Variants in SPOCK3 observed in about 807,000 individuals in gnomAD.
The protein encoded by SPOCK3 is SPARC (osteonectin), cwcv and kazal like domains proteoglycan 3.
A neutral mutation model predicts 56.6 loss-of-function variants in SPOCK3; 30 were observed. The ratio of observed to expected loss-of-function variants is 0.53; its 90% CI spans 0.40 to 0.72. The LOEUF (loss-of-function observed/expected upper bound fraction) is 0.72. Ranked by LOEUF, SPOCK3 falls within the 30% of genes least tolerant of loss-of-function variation. The probability of loss-of-function intolerance (pLI) is 0.00; values close to 1 mark genes in which losing one functional copy is unlikely to be tolerated. For synonymous variants in SPOCK3, 196 were observed against 183.3 expected (o/e 1.07, Z -0.56); for missense variants, 527 against 530.0 (o/e 0.99, Z 0.06).
At chr4:167,134,773 C>T (rs909468763) in intron 2 of SPOCK3, among the ~76,000 whole-genome samples, 3 of 152,010 alleles carry the variant, frequency 2.0e-5, no homozygotes, top group Non-Finnish European at 4.4e-5. Flanking sequence ...ATTATATTCC[C>T]CACATTGCTC....
At chr4:166,930,973 C>T (rs528500957) in intron 4 of SPOCK3, among the ~76,000 whole-genome samples, 1 of 152,072 alleles carries the variant, frequency 6.6e-6, no homozygotes, top group East Asian at 1.9e-4. Flanking sequence ...AGTTATTTGC[C>T]TACACACAGA....
At chr4:166,802,618 C>T (rs549627296) in intron 6 of SPOCK3, among the ~76,000 whole-genome samples, 18 of 152,128 alleles carry the variant, frequency 1.2e-4, no homozygotes, top group Admixed American at 5.9e-4. Context: ...AATCACCTCC[C>T]ACAGGTCCCA....
intron 2 of SPOCK3, chr4:167,102,433 A>T (rs148034741): frequency 6.6e-6 from 1 of 152,210 alleles, no homozygotes; most frequent in Non-Finnish European, 1.5e-5. Context: ...GAGCAATCAC[A>T]TTACCTGGTT....
chr4:166,966,034 T>C (rs1006953758), intron 4 of SPOCK3, among the ~76,000 whole-genome samples: 2 of 152,110 alleles, frequency 1.3e-5, no homozygotes, highest in Non-Finnish European at 2.9e-5. Context: ...ACCACTGATC[T>C]TGTTACTGAC....
chr4:166,972,345 C>T (rs1745483682), intron 4 of SPOCK3, among the ~76,000 whole-genome samples: 1 of 152,126 alleles, frequency 6.6e-6, no homozygotes, highest in African/African-American at 2.4e-5. Flanking sequence ...AGCTGGCCTT[C>T]ATCACTCAGC....
At chr4:166,893,027 G>A (rs944484390) in intron 5 of SPOCK3, among the ~76,000 whole-genome samples, 1 of 151,964 alleles carries the variant, frequency 6.6e-6, no homozygotes, top group Admixed American at 6.6e-5. Context: ...CCCCTCAAAT[G>A]TCAAAATTGA....
chr4:166,913,525 C>A (rs1737505108), intron 4 of SPOCK3, among the ~76,000 whole-genome samples: 1 of 152,110 alleles, frequency 6.6e-6, no homozygotes, highest in African/African-American at 2.4e-5. Context: ...AATCAATATT[C>A]ATTTATTACA....
At position 167,222,906 on chromosome 4, in the gene SPOCK3, CAT is replaced by C. The variant is rs1303679348; in HGVS notation, c.189+11077_189+11078del. ...ATATATGAATATATAAATATATAAA[CAT>C]AGATATGTTTATATATGAATATATA... On this transcript the variant is annotated intron_variant, in intron 2 of 10. Coordinates refer to ENST00000357545, the MANE Select transcript of SPOCK3 (RefSeq NM_001040159.2). Among the ~76,000 whole-genome samples, 18 of 122,332 alleles carry C rather than the reference CAT, an allele frequency of 1.5e-4. No homozygotes were observed. The East Asian group carries it at 1.9e-3, about 13-fold the overall frequency. The allele number at this position is 122,332 out of a possible 152,430, so 80.3% of individuals were successfully genotyped here.
rs1560926671 is a variant in SPOCK3 at position 166,847,663 on chromosome 4, A to ATATATATATATATATATATATATATC, written c.589+41466_589+41467insGATATATATATATATATATATATATA. ...AATCCTAGTTTATATATATATATAT[A>ATATATATATATATATATATATATATC]TATATATATATATATATAAGAATCA... is the stretch of plus-strand genomic sequence containing the variant. On this transcript the variant is annotated intron_variant, in intron 6 of 10. Coordinates refer to ENST00000357545, the MANE Select transcript of SPOCK3 (RefSeq NM_001040159.2). Among the ~76,000 whole-genome samples the ATATATATATATATATATATATATATC allele has an allele frequency of 2.0e-4, 20 of 98,336 alleles. No individual in the cohort carries two copies. The East Asian group carries it at 6.7e-3, about 33-fold the overall frequency. The allele number at this position is 98,336 out of a possible 152,430, so 64.5% of individuals were successfully genotyped here. A position where few individuals can be genotyped will look rare whatever the true frequency, so the allele number is the denominator to read the frequency against.
At chr4:166,922,162 C>G (rs1738568899) in intron 4 of SPOCK3, among the ~76,000 whole-genome samples, 1 of 152,122 alleles carries the variant, frequency 6.6e-6, no homozygotes, top group Non-Finnish European at 1.5e-5. Context: ...GTTTCATACC[C>G]AAACCATCTC....
chr4:167,132,564 C>A (rs1215372789), intron 2 of SPOCK3, among the ~76,000 whole-genome samples: 9 of 152,130 alleles, frequency 5.9e-5, no homozygotes, highest in Admixed American at 5.9e-4. Context: ...AATTTAGAGA[C>A]TATATTGCTT....
At chr4:167,186,400 G>A (rs187791846) in intron 2 of SPOCK3, among the ~76,000 whole-genome samples, 231 of 152,192 alleles carry the variant, frequency 1.5e-3, no homozygotes, top group African/African-American at 5.5e-3. Flanking sequence ...AGGCCGAGGT[G>A]GGCAGATCAC....
At chr4:166,749,684 C>G (rs1332970508) in intron 8 of SPOCK3, among the ~76,000 whole-genome samples, 1 of 151,696 alleles carries the variant, frequency 6.6e-6, no homozygotes, top group Non-Finnish European at 1.5e-5. Context: ...TAAAGAAAAC[C>G]TGTTTTAAAA....
At chr4:167,105,347 T>G (rs986049408) in intron 2 of SPOCK3, among the ~76,000 whole-genome samples, 2 of 151,640 alleles carry the variant, frequency 1.3e-5, no homozygotes, top group Admixed American at 1.3e-4. Context: ...TGTTTGGTTG[T>G]TTGTTTATGC....
At chr4:166,752,375 T>C (rs1736488369) in intron 8 of SPOCK3, among the ~76,000 whole-genome samples, 1 of 152,096 alleles carries the variant, frequency 6.6e-6, no homozygotes, top group African/African-American at 2.4e-5. Context: ...AATTTTATAA[T>C]GTGAAAGTTA....
intron 2 of SPOCK3, 126 bp from the exon 3 acceptor site, chr4:167,062,663 G>T: frequency 1.6e-6 from 1 of 634,636 alleles, no homozygotes; most frequent in Non-Finnish European, 2.8e-6. Context: ...GCAATGGCAA[G>T]CAGCAAATTA....
intron 2 of SPOCK3, among the ~76,000 whole-genome samples, chr4:167,159,147 G>A (rs553898505): frequency 2.0e-5 from 3 of 151,936 alleles, no homozygotes; most frequent in South Asian, 2.1e-4. Flanking sequence ...ACCTAATTAA[G>A]CTTTTATTTT....
chr4:166,742,921 A>T (rs1735049537), intron 8 of SPOCK3, among the ~76,000 whole-genome samples: 1 of 152,112 alleles, frequency 6.6e-6, no homozygotes, highest in South Asian at 2.1e-4. Flanking sequence ...CCAACCGCTA[A>T]TTGAAAATTT....
intron 2 of SPOCK3, among the ~76,000 whole-genome samples, chr4:167,177,198 G>C (rs1413310519): frequency 3.3e-5 from 5 of 152,008 alleles, no homozygotes; most frequent in Admixed American, 6.6e-5. Flanking sequence ...TGAGAGCAGG[G>C]GTATGGTAGA....
Sources: gnomAD v4.1 joint callset for allele counts (sites outside exome capture counted in the v4.1 genomes callset) on GRCh38, gnomAD v4.1.1 for gene constraint, MANE v1.5 for transcripts, NCBI Gene and HGNC (gene_info 2026-07-23, HGNC 2026-07-21) for gene names.